Variants in EFNA5 observed in about 807,000 individuals in gnomAD.
EFNA5 encodes ephrin-A5.
A neutral mutation model predicts 22.9 loss-of-function variants in EFNA5; 5 were observed. The observed-to-expected ratio is 0.22, with a 90% confidence interval of 0.11 to 0.46. The LOEUF (loss-of-function observed/expected upper bound fraction) is 0.46. EFNA5 is among the 20% of genes least tolerant of loss of function. EFNA5 has a pLI of 0.99. For missense variants in EFNA5, 237 were observed against 293.3 expected (o/e 0.81, Z 1.40); for synonymous variants, 113 against 112.2 (o/e 1.01, Z -0.04).
chr5:107,509,609 G>A (rs551028254), intron 1 of EFNA5, among the ~76,000 whole-genome samples: 1 of 151,706 alleles, frequency 6.6e-6, no homozygotes, highest in South Asian at 2.1e-4. Context: ...GGGGTTACAG[G>A]CATGAGCCAC....
At chr5:107,544,476 G>T (rs955400471) in intron 1 of EFNA5, among the ~76,000 whole-genome samples, 49 of 152,144 alleles carry the variant, frequency 3.2e-4, no homozygotes, top group African/African-American at 1.2e-3. Context: ...CCAGGAGCAA[G>T]GTTGTTCTTG....
intron 1 of EFNA5, among the ~76,000 whole-genome samples, chr5:107,573,139 G>A (rs892560300): frequency 7.9e-5 from 12 of 152,170 alleles, no homozygotes; most frequent in African/African-American, 1.2e-4. Context: ...GTCTCAGTGA[G>A]TTCACCAGCT....
At chr5:107,617,253 GAGAGAA>G (rs1749942684) in intron 1 of EFNA5, among the ~76,000 whole-genome samples, 1 of 150,420 alleles carries the variant, frequency 6.6e-6, no homozygotes, top group Non-Finnish European at 1.5e-5. Context: ...GAGAGAGAGA[GAGAGAA>G]AGAGAGAGAG....
chr5:107,447,926 C>A (rs371787594), intron 1 of EFNA5, among the ~76,000 whole-genome samples: 6 of 152,006 alleles, frequency 3.9e-5, no homozygotes, highest in Admixed American at 2.0e-4. Context: ...CAGCTCACTG[C>A]AACTTCCGCC....
chr5:107,535,734 G>GT (rs1747917281), intron 1 of EFNA5, among the ~76,000 whole-genome samples: 1 of 152,038 alleles, frequency 6.6e-6, no homozygotes, highest in Non-Finnish European at 1.5e-5. Flanking sequence ...CTCGATGACA[G>GT]TTTTTTCTCG....
intron 2 of EFNA5, among the ~76,000 whole-genome samples, chr5:107,425,284 GT>G (rs1748781907): frequency 6.6e-6 from 1 of 152,172 alleles, no homozygotes; most frequent in Admixed American, 6.5e-5. Context: ...CAACTAGTTA[GT>G]TAGTGGGTAT....
At chr5:107,552,492 T>C (rs12521886) in intron 1 of EFNA5, among the ~76,000 whole-genome samples, 2 of 152,296 alleles carry the variant, frequency 1.3e-5, no homozygotes, top group Admixed American at 1.3e-4. Context: ...AACTGGGAAG[T>C]GACAGACTCA....
intron 1 of EFNA5, among the ~76,000 whole-genome samples, chr5:107,503,690 ATAAGGTCT>A (rs1435395273): frequency 6.6e-6 from 1 of 152,236 alleles, no homozygotes; most frequent in Admixed American, 6.5e-5. Context: ...TTATAAAGAG[ATAAGGTCT>A]TAAGGATAAG....
rs1554056358 is a variant in EFNA5, at chr5:107,395,052, T to TTTTTTTTTC, written c.419-7282_419-7281insGAAAAAAAA. Among the ~76,000 whole-genome samples, 3 of 144,196 alleles carry TTTTTTTTTC rather than the reference T, an allele frequency of 2.1e-5. 1 individual carries two copies. Among genetic ancestry groups the TTTTTTTTTC allele is most frequent in the Non-Finnish European group, 4.6e-5 (3 of 65,584 alleles). The allele number at this position is 144,196 out of a possible 152,430, so 94.6% of individuals were successfully genotyped here. A position where few individuals can be genotyped will look rare whatever the true frequency, so the allele number is the denominator to read the frequency against. On this transcript the variant is annotated intron_variant, in intron 2 of 4. Transcript: ENST00000333274. ...TCTAGTTCTTTTTTTTTTTTTTTTT[T>TTTTTTTTTC]CCGCGAGACAGTGTCTCATTCTGTC...
intron 1 of EFNA5, among the ~76,000 whole-genome samples, chr5:107,499,659 G>T (rs775303155): frequency 3.9e-5 from 6 of 152,178 alleles, no homozygotes; most frequent in African/African-American, 1.4e-4. Flanking sequence ...ATTAGCCAAC[G>T]TCTAAATAAG....
chr5:107,451,172 C>T (rs1249671072), intron 1 of EFNA5, among the ~76,000 whole-genome samples: 2 of 152,212 alleles, frequency 1.3e-5, no homozygotes, highest in African/African-American at 4.8e-5. Context: ...GGAATCTCAG[C>T]GTAGCTTCTT....
chr5:107,608,826 T>G (rs945866447), intron 1 of EFNA5, among the ~76,000 whole-genome samples: 3 of 152,202 alleles, frequency 2.0e-5, no homozygotes, highest in African/African-American at 7.2e-5. Flanking sequence ...CTCGGTTTAT[T>G]CCAGAAGCTG....
intron 2 of EFNA5, among the ~76,000 whole-genome samples, chr5:107,406,817 G>C (rs1748235424): frequency 6.6e-6 from 1 of 152,128 alleles, no homozygotes; most frequent in Non-Finnish European, 1.5e-5. Flanking sequence ...GTTGAATGAA[G>C]TAAGAAAGGA....
At chr5:107,547,572 T>C (rs543900210) in intron 1 of EFNA5, among the ~76,000 whole-genome samples, 3 of 152,242 alleles carry the variant, frequency 2.0e-5, no homozygotes, top group Middle Eastern at 3.4e-3. Context: ...CCAATGCCTG[T>C]TGTGCAAATA....
intron 1 of EFNA5, among the ~76,000 whole-genome samples, chr5:107,461,699 A>C (rs935077291): frequency 6.6e-5 from 10 of 152,170 alleles, no homozygotes; most frequent in African/African-American, 2.2e-4. Flanking sequence ...TCTTTAAACA[A>C]GGCATTATTT....
intron 1 of EFNA5, among the ~76,000 whole-genome samples, chr5:107,661,060 A>T (rs1481734445): frequency 6.6e-6 from 1 of 151,858 alleles, no homozygotes; most frequent in Admixed American, 6.6e-5. Context: ...GAGATTGCAG[A>T]GCAGAGGCTA....
Position 107,640,346 on chromosome 5 carries a change from A to T in EFNA5, c.125+30143T>A, listed in dbSNP as rs906396804. 5.3e-5 allele frequency among the ~76,000 whole-genome samples: 8 copies of T among 152,342 alleles called. No homozygotes were observed. In the East Asian group the frequency reaches 1.5e-3, roughly 29 times the overall value. On this transcript the variant is annotated intron_variant, in intron 1 of 4. Transcript: ENST00000333274. ...TATATCAATGTTAAGAGAAAAAAAA[A>T]GGCTAGACTCAGTCAATTAATAGCT... is the stretch of plus-strand genomic sequence containing the variant.
rs1447275665 is a variant in EFNA5, at chr5:107,377,614, T to TG, written c.*3640dup. On this transcript the variant is annotated 3_prime_UTR_variant, in exon 5 of 5. Transcript: ENST00000333274. Reference sequence around the variant, plus strand: ...TCCCTGAAAATCCACAGGTACTGTGTGACTCTTCCTTTCACAACGACACAG... The same window carrying TG: ...TCCCTGAAAATCCACAGGTACTGTGTGGACTCTTCCTTTCACAACGACACAG... 9.2e-5 allele frequency: 14 copies of TG among 152,264 alleles called. No individual in the cohort carries two copies. Among genetic ancestry groups the TG allele is most frequent in the Admixed American group, 8.5e-4 (13 of 15,294 alleles). 9.4% of individuals were successfully genotyped at this position (152,264 alleles called of 1,614,324 possible). A position where few individuals can be genotyped will look rare whatever the true frequency, so the allele number is the denominator to read the frequency against.
chr5:107,475,324 C>CA (rs1750253580), intron 1 of EFNA5, among the ~76,000 whole-genome samples: 1 of 152,200 alleles, frequency 6.6e-6, no homozygotes, highest in South Asian at 2.1e-4. Flanking sequence ...CACACTTACC[C>CA]AGCTATCAGT....
Sources: gnomAD v4.1 joint callset for allele counts (sites outside exome capture counted in the v4.1 genomes callset) on GRCh38, gnomAD v4.1.1 for gene constraint, MANE v1.5 for transcripts, NCBI Gene and HGNC (gene_info 2026-07-23, HGNC 2026-07-21) for gene names.